ADGRV1: variants seen among roughly 807,000 people sequenced by gnomAD.
ADGRV1 encodes the protein G-protein coupled receptor 98.
In ADGRV1, 359 loss-of-function variants were observed where a neutral mutation model predicts 596.2. The observed-to-expected ratio is 0.60, with a 90% CI of 0.55 to 0.66. The LOEUF (loss-of-function observed/expected upper bound fraction) is 0.66, where lower values mean the gene tolerates loss of function less well. ADGRV1 is among the 30% of genes least tolerant of loss of function. The pLI, the probability that ADGRV1 is intolerant of heterozygous loss-of-function variation, is 0.00. For missense variants in ADGRV1, 7,274 were observed against 7,575.6 expected, an observed-to-expected ratio of 0.96 and a Z score of 1.48; for synonymous variants, 2,681 against 2,679.2, an observed-to-expected ratio of 1.00 and a Z score of -0.02.
chr5:91,163,761 T>C (rs780287860), intron 89 of ADGRV1, 21 bp from the exon 90 acceptor site: 2 of 1,105,286 alleles, frequency 1.8e-6, no homozygotes, highest in Non-Finnish European at 2.7e-6. Context: ...GATTTTTGTG[T>C]TCATTCTATT....
At chr5:90,967,661 G>GAC (rs1778596802) in intron 84 of ADGRV1, among the ~76,000 whole-genome samples, 1 of 152,004 alleles carries the variant, frequency 6.6e-6, no homozygotes, top group African/African-American at 2.4e-5. Context: ...ATATGTACGT[G>GAC]GTACAGAACT....
chr5:90,991,880 A>T (rs1013602873), intron 85 of ADGRV1, among the ~76,000 whole-genome samples: 1 of 152,238 alleles, frequency 6.6e-6, no homozygotes, highest in African/African-American at 2.4e-5. Flanking sequence ...AATCATGAAA[A>T]AAAAGTTTGT....
chr5:90,711,287 G>T lies in ADGRV1; in HGVS notation c.9007G>T (p.Ala3003Ser). The change falls in exon 41 of 90, where the codon GCA becomes TCA. Residue 3003 changes from alanine to serine, a missense_variant. Ala to Ser is a moderately conservative substitution (Grantham distance 99, BLOSUM62 1). Coordinates refer to ENST00000405460, the MANE Select transcript of ADGRV1 (RefSeq NM_032119.4). ...SLFVYAQNLE[A>S]QVGLDYIFTP... ...ATTTGTGTATGCTCAGAATTTGGAA[G>T]CACAAGTGGGGCTGGATTATATCTT... 1 of 1,612,780 alleles carries T rather than the reference G, an allele frequency of 6.2e-7. No individual in the cohort carries two copies. The highest frequency in any genetic ancestry group is 8.5e-7 in the Non-Finnish European group (1 of 1,179,250).
chr5:91,000,668 C>CTGTGTGTGTGTGTGTGTGTG lies in ADGRV1; in HGVS notation c.18152+15168_18152+15187dup, dbSNP rs6149110. Among the ~76,000 whole-genome samples the CTGTGTGTGTGTGTGTGTGTG allele has an allele frequency of 5.5e-4, 77 of 141,246 alleles. 1 individual carries two copies. The highest frequency in any genetic ancestry group is 3.7e-3 in the South Asian group (16 of 4,286). 92.7% of individuals were successfully genotyped at this position (141,246 alleles called of 152,430 possible). ...TCCAGAGAAACAGAGCTTACAGGAT[C>CTGTGTGTGTGTGTGTGTGTG]TGTGTGTGTGTGTGTGTGTGTGTGT... On this transcript the variant is annotated intron_variant, in intron 85 of 89. Transcript: ENST00000405460.
At chr5:90,742,389 A>G (rs1754063810) in intron 50 of ADGRV1, among the ~76,000 whole-genome samples, 1 of 152,182 alleles carries the variant, frequency 6.6e-6, no homozygotes, top group African/African-American at 2.4e-5. Context: ...CTAGGCAAAG[A>G]GAGGTCAGGT....
rs746888217 is a variant in ADGRV1, at chr5:91,150,126, C to A, written c.18529C>A (p.Pro6177Thr). ...YTVEMNGHPG[P>T]STAFFTPGSG... Reference sequence around the variant, plus strand: ...TGTGGAAATGAATGGGCATCCTGGACCCAGCACAGCCTTTTTCACGCCCGG... The same window carrying A: ...TGTGGAAATGAATGGGCATCCTGGAACCAGCACAGCCTTTTTCACGCCCGG... Residue 6177 changes from proline (P) to threonine (T), a missense_variant, in exon 88 of 90, where the codon CCC (proline) becomes ACC (threonine). Physicochemically the swap from Pro to Thr is conservative, Grantham distance 38 (BLOSUM62 -1). This residue lies in a region of ADGRV1 where 1,874 missense variants were observed against 1,970.2 expected (regional missense o/e 0.95). Coordinates refer to ENST00000405460, the MANE Select transcript of ADGRV1 (RefSeq NM_032119.4). 7 of 1,589,324 alleles carry A rather than the reference C, an allele frequency of 4.4e-6. No individual in the cohort carries two copies. Among genetic ancestry groups the A allele is most frequent in the Non-Finnish European group, 5.1e-6 (6 of 1,168,166 alleles).
chr5:90,689,165 T>G (rs974135433), intron 29 of ADGRV1, among the ~76,000 whole-genome samples: 7 of 151,966 alleles, frequency 4.6e-5, no homozygotes, highest in African/African-American at 1.5e-4. Flanking sequence ...GAAAAGACAA[T>G]AAACCAGGCC....
At chr5:90,576,959 G>C (rs1195833572) in intron 1 of ADGRV1, among the ~76,000 whole-genome samples, 1 of 152,032 alleles carries the variant, frequency 6.6e-6, no homozygotes, top group Non-Finnish European at 1.5e-5. Flanking sequence ...TTTTTGATGG[G>C]GTTGTTTGTT....
intron 87 of ADGRV1, among the ~76,000 whole-genome samples, chr5:91,116,961 A>T (rs1792899779): frequency 6.6e-6 from 1 of 152,322 alleles, no homozygotes; most frequent in East Asian, 1.9e-4. Flanking sequence ...TGATTGCTAG[A>T]ATAGGGAGTA....
Position 90,779,019 on chromosome 5 carries a change from T to C in ADGRV1, c.13004T>C (p.Val4335Ala), listed in dbSNP as rs751647350. 1 of 1,613,344 alleles carries C rather than the reference T, an allele frequency of 6.2e-7. No homozygotes were observed. Among genetic ancestry groups the C allele is most frequent in the East Asian group, 2.2e-5 (1 of 44,854 alleles). Residue 4335 changes from valine to alanine, a missense_variant, in exon 64 of 90, where the codon GTT becomes GCT. Coordinates refer to ENST00000405460, the MANE Select transcript of ADGRV1 (RefSeq NM_032119.4). ...GGGGAGATGAGGAAAAGTCTGCATG[T>C]TGAAATCCTTGATGATGACTATCCT... ...EAGEMRKSLH[V>A]EILDDDYPEG...
chr5:90,804,326 T>C (rs1026260108), intron 71 of ADGRV1, among the ~76,000 whole-genome samples: 3 of 151,872 alleles, frequency 2.0e-5, no homozygotes, highest in African/African-American at 7.3e-5. Context: ...CACTTGAACC[T>C]GGGAGGCAGA....
At chr5:91,052,181 G>A (rs548238761) in intron 85 of ADGRV1, among the ~76,000 whole-genome samples, 1 of 151,856 alleles carries the variant, frequency 6.6e-6, no homozygotes, top group South Asian at 2.1e-4. Flanking sequence ...TAACATTAGG[G>A]TCTCTGCAGT....
chr5:90,623,306 A>G (rs1352213236), intron 5 of ADGRV1, among the ~76,000 whole-genome samples: 1 of 152,254 alleles, frequency 6.6e-6, no homozygotes, highest in Non-Finnish European at 1.5e-5. Context: ...TATAAAATTC[A>G]TGGAACTTTT....
At chr5:91,094,984 T>C (rs1790730393) in intron 86 of ADGRV1, among the ~76,000 whole-genome samples, 1 of 152,140 alleles carries the variant, frequency 6.6e-6, no homozygotes, top group African/African-American at 2.4e-5. Flanking sequence ...GCAACAAATA[T>C]TTGCAACCGT....
chr5:90,660,287 A>C (rs1019639961), intron 21 of ADGRV1, among the ~76,000 whole-genome samples: 10 of 152,122 alleles, frequency 6.6e-5, no homozygotes, highest in Middle Eastern at 3.2e-3. Flanking sequence ...TTTTCATTTG[A>C]ATATGGAAAA....
chr5:90,975,308 C>G (rs376348357), intron 84 of ADGRV1, among the ~76,000 whole-genome samples: 1 of 152,042 alleles, frequency 6.6e-6, no homozygotes, highest in African/African-American at 2.4e-5. Context: ...CCTCAAGGAT[C>G]TAGAACTAGA....
chr5:90,678,873 A>T (rs1352256200), intron 25 of ADGRV1, among the ~76,000 whole-genome samples: 1 of 152,018 alleles, frequency 6.6e-6, no homozygotes, highest in Non-Finnish European at 1.5e-5. Flanking sequence ...GAACACATTC[A>T]ACCCATAGCA....
chr5:90,761,822 A>G (rs901596951), intron 58 of ADGRV1, among the ~76,000 whole-genome samples: 3 of 152,154 alleles, frequency 2.0e-5, no homozygotes, highest in Non-Finnish European at 4.4e-5. Flanking sequence ...TTGATTGTTG[A>G]TGATAATAGT....
rs1050123440 is a variant in ADGRV1 at position 91,118,255 on chromosome 5, T to C, written c.18432+15915T>C. Among the ~76,000 whole-genome samples, 4 of 151,908 alleles carry C rather than the reference T, an allele frequency of 2.6e-5. No individual in the cohort carries two copies. The East Asian group carries it at 7.8e-4, about 30-fold the overall frequency. On this transcript the variant is annotated intron_variant, in intron 87 of 89. Transcript: ENST00000405460. ...TGTCTGGCTGGAATGAAGCTTATGATAGGAGAATAAAGGGAAATACTGTTG... is the reference window on the plus strand; with the variant it reads ...TGTCTGGCTGGAATGAAGCTTATGACAGGAGAATAAAGGGAAATACTGTTG...
Sources: allele counts gnomAD v4.1 joint callset (sites outside exome capture counted in the v4.1 genomes callset), GRCh38; gene constraint gnomAD v4.1.1; regional missense constraint gnomAD v4.1.1; transcripts MANE v1.5; gene names NCBI Gene and HGNC (gene_info 2026-07-23, HGNC 2026-07-21).